The following NPAS3 variants were observed in gnomAD, a reference collection of about 807,000 sequenced individuals.
NPAS3 encodes neuronal PAS domain-containing protein 3.
NPAS3 carries 14 observed loss-of-function variants against 73.1 expected under a neutral mutation model. That is an observed-to-expected ratio of 0.19 (90% CI 0.13 to 0.30). The LOEUF is 0.30. Among genes scored for constraint, NPAS3 ranks in the 10% least tolerant of loss-of-function variants. NPAS3 has a pLI of 1.00. For missense variants in NPAS3, 1,096 were observed against 1,250.0 expected (o/e 0.88, Z 1.86); for synonymous variants, 620 against 541.5 (o/e 1.14, Z -2.01).
intron 6 of NPAS3, among the ~76,000 whole-genome samples, chr14:33,717,106 AGGG>A (rs765470913): frequency 4.9e-4 from 75 of 152,050 alleles, no homozygotes; most frequent in Non-Finnish European, 9.4e-4. Context: ...TGTTGTTAGA[AGGG>A]GTTTTGCCAG....
intron 6 of NPAS3, among the ~76,000 whole-genome samples, chr14:33,705,634 G>T (rs1191948468): frequency 6.6e-6 from 1 of 152,256 alleles, no homozygotes; most frequent in African/African-American, 2.4e-5. Context: ...GGAAGTTCGT[G>T]TGGAATGTTC....
At chr14:33,762,542 T>C (rs2062327250) in intron 7 of NPAS3, among the ~76,000 whole-genome samples, 1 of 152,246 alleles carries the variant, frequency 6.6e-6, no homozygotes, top group South Asian at 2.1e-4. Flanking sequence ...TTACAGGCTC[T>C]GGAATGTGCA....
At chr14:33,038,211 T>C (rs1001068422) in intron 1 of NPAS3, among the ~76,000 whole-genome samples, 1 of 152,228 alleles carries the variant, frequency 6.6e-6, no homozygotes, top group African/African-American at 2.4e-5. Flanking sequence ...TCAAGATGTA[T>C]GCTTTAATTT....
At chr14:33,180,754 G>C (rs560305874) in intron 2 of NPAS3, among the ~76,000 whole-genome samples, 1 of 130,470 alleles carries the variant, frequency 7.7e-6, no homozygotes, top group Non-Finnish European at 1.5e-5. Flanking sequence ...AGCAGAGATC[G>C]TGCCACTGCA....
At chr14:33,056,036 T>A (rs1435599443) in intron 2 of NPAS3, 42 bp downstream of exon 2, 8 of 787,846 alleles carry the variant, frequency 1.0e-5, no homozygotes, top group East Asian at 5.3e-5. Context: ...GGCTCGTACA[T>A]CAGTGCTTGT....
At position 33,572,396 on chromosome 14, in the gene NPAS3, T is replaced by C. The variant is rs998434323; in HGVS notation, c.558+12186T>C. 2.7e-4 allele frequency among the ~76,000 whole-genome samples: 41 copies of C among 152,194 alleles called. 1 individual carries two copies. Among genetic ancestry groups the C allele is most frequent in the Non-Finnish European group, 7.3e-5 (5 of 68,030 alleles). On this transcript the variant is annotated intron_variant, in intron 5 of 11. Coordinates refer to ENST00000356141, the Ensembl canonical transcript of NPAS3. The stretch of plus-strand genomic sequence containing the variant: ...AAGAACAAGTGCCCTAACTAACATT[T>C]ATTAAGCTATTACTCTGTGCCAGGC...
At chr14:33,064,133 A>T (rs2041201588) in intron 2 of NPAS3, among the ~76,000 whole-genome samples, 1 of 152,202 alleles carries the variant, frequency 6.6e-6, no homozygotes, top group Non-Finnish European at 1.5e-5. Flanking sequence ...AAAAGAAATT[A>T]ATTTCATACA....
intron 2 of NPAS3, among the ~76,000 whole-genome samples, chr14:33,147,910 A>G (rs1370691998): frequency 6.6e-6 from 1 of 151,882 alleles, no homozygotes; most frequent in Non-Finnish European, 1.5e-5. Flanking sequence ...GTATTTTCAT[A>G]TTGAAAGAAA....
At chr14:33,642,853 A>G (rs2058711643) in intron 5 of NPAS3, among the ~76,000 whole-genome samples, 1 of 152,156 alleles carries the variant, frequency 6.6e-6, no homozygotes, top group Admixed American at 6.5e-5. Context: ...GAATTCACAG[A>G]TGGCTGTCTC....
chr14:33,624,424 T>C (rs1159601580), intron 5 of NPAS3, among the ~76,000 whole-genome samples: 1 of 152,188 alleles, frequency 6.6e-6, no homozygotes, highest in Non-Finnish European at 1.5e-5. Context: ...ATCTCTGAAA[T>C]TGACATAAAA....
rs571229874 is a variant in NPAS3 at position 33,658,103 on chromosome 14, A to G, written c.559-18108A>G. On this transcript the variant is annotated intron_variant, in intron 5 of 11. Transcript: ENST00000356141. ...CTTTGTGGCTGCCACTCTTATAATAAGTAGACACTGTAGAAATTGAGGGGA... is the reference window on the plus strand; with the variant it reads ...CTTTGTGGCTGCCACTCTTATAATAGGTAGACACTGTAGAAATTGAGGGGA... 2.0e-5 allele frequency among the ~76,000 whole-genome samples: 3 copies of G among 152,368 alleles called. No homozygotes were observed. The East Asian group carries it at 5.8e-4, about 29-fold the overall frequency.
intron 3 of NPAS3, among the ~76,000 whole-genome samples, chr14:33,331,454 T>C (rs996071472): frequency 1.9e-4 from 29 of 152,324 alleles, no homozygotes; most frequent in African/African-American, 6.3e-4. Context: ...TTAGGGACCA[T>C]TGGACTATGA....
intron 6 of NPAS3, among the ~76,000 whole-genome samples, chr14:33,725,938 A>T (rs971219651): frequency 6.6e-6 from 1 of 151,862 alleles, no homozygotes; most frequent in Non-Finnish European, 1.5e-5. Context: ...GTTCAGAACC[A>T]TTTCTGTCAC....
intron 9 of NPAS3, among the ~76,000 whole-genome samples, chr14:33,792,247 G>A (rs530744446): frequency 5.0e-4 from 76 of 152,222 alleles, no homozygotes; most frequent in Non-Finnish European, 1.0e-3. Flanking sequence ...ACCAAGAGAA[G>A]GTGACAGTTC....
At chr14:33,048,609 T>G (rs1312758433) in intron 1 of NPAS3, among the ~76,000 whole-genome samples, 1 of 152,192 alleles carries the variant, frequency 6.6e-6, no homozygotes, top group Admixed American at 6.5e-5. Flanking sequence ...CCTCAAACCA[T>G]GTAGAACTTG....
intron 7 of NPAS3, among the ~76,000 whole-genome samples, chr14:33,745,578 T>C (rs1438537859): frequency 6.6e-6 from 1 of 152,212 alleles, no homozygotes; most frequent in African/African-American, 2.4e-5. Flanking sequence ...ATACAATCCA[T>C]GTCTACATGT....
chr14:32,971,332 G>C (rs1392290941), intron 1 of NPAS3, among the ~76,000 whole-genome samples: 2 of 152,062 alleles, frequency 1.3e-5, no homozygotes, highest in African/African-American at 4.8e-5. Flanking sequence ...TGATCCACCT[G>C]CCTTGGCCTC....
chr14:33,229,799 A>C (rs2047778524), intron 3 of NPAS3, among the ~76,000 whole-genome samples: 1 of 152,188 alleles, frequency 6.6e-6, no homozygotes, highest in Non-Finnish European at 1.5e-5. Flanking sequence ...TAATTTGTAC[A>C]ATTCAGGAAA....
intron 4 of NPAS3, among the ~76,000 whole-genome samples, chr14:33,492,458 AG>A (rs1443460015): frequency 1.3e-4 from 20 of 152,162 alleles, no homozygotes; most frequent in African/African-American, 4.8e-4. Context: ...GCATTTACTT[AG>A]GAGGACATGA....
Sources: allele counts gnomAD v4.1 joint callset (sites outside exome capture counted in the v4.1 genomes callset), GRCh38; gene constraint gnomAD v4.1.1; transcripts MANE v1.5; gene names NCBI Gene and HGNC (gene_info 2026-07-23, HGNC 2026-07-21).